The following CRPPA variants were observed in gnomAD, a reference collection of about 807,000 sequenced individuals.
CRPPA encodes the protein CDP-L-ribitol pyrophosphorylase A.
Under a neutral mutation model 52.0 loss-of-function variants are expected in CRPPA, and 43 were observed. That is an observed-to-expected ratio of 0.83 (90% confidence interval 0.65 to 1.07). CRPPA has a LOEUF of 1.07. CRPPA is among the 50% of genes least tolerant of loss of function. CRPPA has a pLI of 0.00. For synonymous variants in CRPPA, 250 were observed against 203.5 expected, an observed-to-expected ratio of 1.23 and a Z score of -1.94; for missense variants, 629 against 551.7, an observed-to-expected ratio of 1.14 and a Z score of -1.40.
At chr7:16,239,559 C>A (rs998779748) in intron 8 of CRPPA, among the ~76,000 whole-genome samples, 572 of 47,242 alleles carry the variant, frequency 0.012, no homozygotes, top group South Asian at 0.039. Flanking sequence ...AAGTCAATAG[C>A]AAAAAAAAAA....
At chr7:16,241,737 T>C (rs1430237830) in intron 8 of CRPPA, among the ~76,000 whole-genome samples, 1 of 152,054 alleles carries the variant, frequency 6.6e-6, no homozygotes, top group Non-Finnish European at 1.5e-5. Context: ...AGGAACTTTA[T>C]TTTACTTTTT....
intron 8 of CRPPA, among the ~76,000 whole-genome samples, chr7:16,232,851 T>C (rs1337644693): frequency 6.6e-6 from 1 of 151,952 alleles, no homozygotes; most frequent in Non-Finnish European, 1.5e-5. Context: ...AAGCAGAAAA[T>C]ATGGCCGATT....
At chr7:16,112,827 T>C (rs1018040349) in intron 9 of CRPPA, among the ~76,000 whole-genome samples, 4 of 152,096 alleles carry the variant, frequency 2.6e-5, no homozygotes, top group Admixed American at 1.3e-4. Flanking sequence ...TTTCAGGAAC[T>C]TACCTGATGC....
intron 4 of CRPPA, among the ~76,000 whole-genome samples, chr7:16,306,936 C>T (rs1422691520): frequency 6.6e-6 from 1 of 151,340 alleles, no homozygotes; most frequent in Non-Finnish European, 1.5e-5. Flanking sequence ...GGCAATACTT[C>T]AAACATGTCA....
At chr7:16,382,811 C>T (rs1021269608) in intron 2 of CRPPA, among the ~76,000 whole-genome samples, 8 of 152,304 alleles carry the variant, frequency 5.3e-5, no homozygotes, top group Admixed American at 1.3e-4. Flanking sequence ...GCATACTTCA[C>T]GTAGTTCTCG....
At chr7:16,130,559 A>G (rs978173451) in intron 9 of CRPPA, among the ~76,000 whole-genome samples, 3 of 152,330 alleles carry the variant, frequency 2.0e-5, no homozygotes, top group African/African-American at 7.2e-5. Flanking sequence ...TCAACTCTGT[A>G]ACACTGACTC....
chr7:16,212,845 G>C (rs895122216), intron 9 of CRPPA, among the ~76,000 whole-genome samples: 4 of 152,278 alleles, frequency 2.6e-5, no homozygotes, highest in African/African-American at 4.8e-5. Context: ...GAGGGCAACA[G>C]ACACTAGCTC....
intron 2 of CRPPA, among the ~76,000 whole-genome samples, chr7:16,398,544 A>G (rs977453282): frequency 1.3e-5 from 2 of 152,174 alleles, no homozygotes; most frequent in African/African-American, 4.8e-5. Context: ...TGATCGACAT[A>G]AGTGACACGT....
chr7:16,335,350 C>T (rs973136975), intron 3 of CRPPA, among the ~76,000 whole-genome samples: 1 of 152,034 alleles, frequency 6.6e-6, no homozygotes. Flanking sequence ...GAGACTCCTT[C>T]CCCCACCCTC....
At chr7:16,312,196 T>C (rs917951842) in intron 3 of CRPPA, among the ~76,000 whole-genome samples, 2 of 152,044 alleles carry the variant, frequency 1.3e-5, no homozygotes, top group African/African-American at 2.4e-5. Context: ...ATCAAATTTG[T>C]AGATCACGTT....
intron 9 of CRPPA, among the ~76,000 whole-genome samples, chr7:16,154,572 T>C (rs1783137852): frequency 6.6e-6 from 1 of 152,156 alleles, no homozygotes; most frequent in South Asian, 2.1e-4. Context: ...GAATAAAAAA[T>C]GTGTGCCCAA....
At chr7:16,359,053 A>G (rs1396779519) in intron 3 of CRPPA, among the ~76,000 whole-genome samples, 1 of 152,212 alleles carries the variant, frequency 6.6e-6, no homozygotes, top group Non-Finnish European at 1.5e-5. Context: ...GACCTGACTA[A>G]TTTCTACAAA....
intron 3 of CRPPA, among the ~76,000 whole-genome samples, chr7:16,352,879 G>GCACACACACA (rs56733439): frequency 3.5e-5 from 5 of 142,424 alleles, no homozygotes; most frequent in African/African-American, 1.1e-4. Context: ...AAGTAACATG[G>GCACACACACA]CACACACACA....
intron 4 of CRPPA, 21 bp from the exon 5 acceptor site, chr7:16,301,487 A>C (rs1583502613): frequency 6.3e-7 from 1 of 1,591,976 alleles, no homozygotes; most frequent in East Asian, 2.2e-5. Context: ...GATAAACTTC[A>C]TTAGACTTAA....
At chr7:16,378,569 A>G (rs977072652) in intron 2 of CRPPA, among the ~76,000 whole-genome samples, 19 of 152,042 alleles carry the variant, frequency 1.2e-4, no homozygotes, top group African/African-American at 4.6e-4. Context: ...CACAATAAAC[A>G]TATGTGTGCA....
intron 2 of CRPPA, among the ~76,000 whole-genome samples, chr7:16,379,602 T>C (rs941084703): frequency 6.6e-6 from 1 of 152,238 alleles, no homozygotes; most frequent in South Asian, 2.1e-4. Flanking sequence ...TTTCACAATA[T>C]TGATTCCTCC....
intron 8 of CRPPA, among the ~76,000 whole-genome samples, chr7:16,238,436 A>G (rs899484272): frequency 2.0e-4 from 30 of 152,186 alleles, no homozygotes; most frequent in African/African-American, 7.0e-4. Flanking sequence ...GCATTACTCA[A>G]TATGGAGTCA....
chr7:16,192,914 ACTT>A (rs1431743551), intron 9 of CRPPA, among the ~76,000 whole-genome samples: 1 of 152,116 alleles, frequency 6.6e-6, no homozygotes, highest in Non-Finnish European at 1.5e-5. Context: ...TAATTCCTCT[ACTT>A]ATTTTTCTCA....
chr7:16,292,579 C>A (rs530575490), intron 5 of CRPPA, among the ~76,000 whole-genome samples: 1 of 151,936 alleles, frequency 6.6e-6, no homozygotes, highest in Non-Finnish European at 1.5e-5. Context: ...ATCCATCTGC[C>A]AGACTCCTTT....
Sources: allele counts gnomAD v4.1 joint callset (sites outside exome capture counted in the v4.1 genomes callset), GRCh38; gene constraint gnomAD v4.1.1; transcripts MANE v1.5; gene names NCBI Gene and HGNC (gene_info 2026-07-23, HGNC 2026-07-21).